Variants in SMARCD2 observed in about 807,000 individuals in gnomAD.
The protein encoded by SMARCD2 is SWI/SNF-related matrix-associated actin-dependent regulator of chromatin subfamily D member 2.
A neutral mutation model predicts 70.4 loss-of-function variants in SMARCD2; 39 were observed. The ratio of observed to expected loss-of-function variants is 0.55; its 90% CI spans 0.43 to 0.72. The LOEUF is 0.72. Among genes scored for constraint, SMARCD2 ranks in the 30% least tolerant of loss-of-function variants. SMARCD2 has a pLI of 0.00. For missense variants in SMARCD2, 540 were observed against 713.4 expected, an observed-to-expected ratio of 0.76 and a Z score of 2.77; for synonymous variants, 249 against 279.4, an observed-to-expected ratio of 0.89 and a Z score of 1.08.
chr17:63,842,438 G>T, intron 1 of SMARCD2, 21 bp downstream of exon 1: 1 of 1,344,278 alleles, frequency 7.4e-7, no homozygotes, highest in Non-Finnish European at 9.5e-7. Flanking sequence ...GCCCCCGTCC[G>T]CTCGCGTCCT....
chr17:63,833,711 T>G lies in SMARCD2; in HGVS notation c.1193A>C (p.Asn398Thr), dbSNP rs2040225643. ...VINHVISVDP[N>T]DQKKTACYDI... ...GTAACAGGCTGTCTTCTTCTGGTCGTTAGGGTCGACACTGCAGGCAGCACA... is the reference window on the plus strand; with the variant it reads ...GTAACAGGCTGTCTTCTTCTGGTCGGTAGGGTCGACACTGCAGGCAGCACA... The change falls in exon 10 of 13, where the codon AAC becomes ACC. Residue 398 changes from asparagine (N) to threonine (T), a missense_variant. Physicochemically the swap from Asn to Thr is moderately conservative, Grantham distance 65. Transcript: ENST00000448276. This position sits in a 1 kb window ranked among gnomAD's most constrained non-coding sequence, Gnocchi z 4.3. 1 of 1,613,996 alleles carries G rather than the reference T, an allele frequency of 6.2e-7. No homozygotes were observed. Among genetic ancestry groups the G allele is most frequent in the Non-Finnish European group, 8.5e-7 (1 of 1,179,896 alleles).
Position 63,834,086 on chromosome 17 carries a change from T to C in SMARCD2, c.1084-80A>G. On this transcript the variant is annotated intron_variant, in intron 8 of 12. Coordinates refer to ENST00000448276, the MANE Select transcript of SMARCD2 (RefSeq NM_001098426.2). The surrounding 1 kb of genome is among the most constrained non-coding windows in gnomAD (Gnocchi z 5.6). The stretch of plus-strand genomic sequence containing the variant: ...ATTCCAGGACCAGTGAGGGCAGCAG[T>C]CTGCAGGCTGTGGCCAAGGAGTAGC... The C allele has an allele frequency of 6.3e-7, 1 of 1,592,318 alleles. No homozygotes were observed. Among genetic ancestry groups the C allele is most frequent in the Admixed American group, 1.7e-5 (1 of 59,742 alleles).
Position 63,833,745 on chromosome 17 carries a change from G to C in SMARCD2, c.1182-23C>G. On this transcript the variant is annotated intron_variant, in intron 9 of 12. Transcript: ENST00000448276. This position sits in a 1 kb window ranked among gnomAD's most constrained non-coding sequence, Gnocchi z 4.3. Reference sequence around the variant, plus strand: ...ACACTGCAGGCAGCACATGGGGAGGGAAGGCACATAGCTGACTTCATCCTG... The same window carrying C: ...ACACTGCAGGCAGCACATGGGGAGGCAAGGCACATAGCTGACTTCATCCTG... The C allele has an allele frequency of 1.2e-6, 2 of 1,613,908 alleles. No homozygotes were observed. Among genetic ancestry groups the C allele is most frequent in the Non-Finnish European group, 1.7e-6 (2 of 1,179,818 alleles).
At chr17:63,836,251 C>T (rs940231128) in intron 4 of SMARCD2, among the ~76,000 whole-genome samples, 10 of 151,942 alleles carry the variant, frequency 6.6e-5, no homozygotes, top group African/African-American at 2.4e-4. Flanking sequence ...CGGCTGGGTG[C>T]AGTGGCTCAC....
rs536226182 is a variant in SMARCD2 at position 63,832,843 on chromosome 17, T to C, written c.*95A>G. ...GAGAGTAGAGGGTGACAGCAGACAC[T>C]CCTCACCCCAGCCTACGTGTCTGCG... On this transcript the variant is annotated 3_prime_UTR_variant, in exon 13 of 13. Transcript: ENST00000448276. 20 of 1,005,294 alleles carry C rather than the reference T, an allele frequency of 2.0e-5. No homozygotes were observed. Among genetic ancestry groups the C allele is most frequent in the South Asian group, 1.2e-4 (9 of 72,820 alleles). 62.3% of individuals were successfully genotyped at this position (1,005,294 alleles called of 1,614,324 possible).
intron 1 of SMARCD2, 63 bp downstream of exon 1, chr17:63,842,396 C>T: frequency 7.8e-7 from 1 of 1,285,026 alleles, no homozygotes; most frequent in Non-Finnish European, 9.9e-7. Context: ...GCCCCTTCAG[C>T]CGCCGGCCCG....
In SMARCD2 at chr17:63,834,471, C is replaced by T. The variant is rs1359531215; in HGVS notation, c.921+3G>A. The T allele has an allele frequency of 1.6e-5, 26 of 1,578,698 alleles. No individual in the cohort carries two copies. Among genetic ancestry groups the T allele is most frequent in the Non-Finnish European group, 2.2e-5 (26 of 1,157,444 alleles). ...CCAGAAATGACCCCAGGGTCTCTGT[C>T]ACCTGATGATCCAGCATGAGCAGGA... On this transcript the variant is annotated splice_donor_region_variant and intron_variant, in intron 7 of 12. Coordinates refer to ENST00000448276, the MANE Select transcript of SMARCD2 (RefSeq NM_001098426.2). The surrounding 1 kb of genome is among the most constrained non-coding windows in gnomAD (Gnocchi z 5.6).
rs745428689 is a variant in SMARCD2, at chr17:63,833,425, A to G, written c.1318-5T>C. On this transcript the variant is annotated splice_polypyrimidine_tract_variant and splice_region_variant and intron_variant, in intron 10 of 12. Transcript: ENST00000448276. This position sits in a 1 kb window ranked among gnomAD's most constrained non-coding sequence, Gnocchi z 4.3. ...GGACTCAATGGTCTCATGGATCTGG[A>G]GAGGGTACCTGTGTCAGACTGTGCC... is the stretch of plus-strand genomic sequence containing the variant. 1 of 1,613,900 alleles carries G rather than the reference A, an allele frequency of 6.2e-7. No homozygotes were observed. Among genetic ancestry groups the G allele is most frequent in the Non-Finnish European group, 8.5e-7 (1 of 1,179,872 alleles).
At position 63,833,466 on chromosome 17, in the gene SMARCD2, C is replaced by T; in HGVS notation, c.1318-46G>A. On this transcript the variant is annotated intron_variant, in intron 10 of 12. Transcript: ENST00000448276. The surrounding 1 kb of genome is among the most constrained non-coding windows in gnomAD (Gnocchi z 4.3). Reference sequence around the variant, plus strand: ...AGACTGTGCCCCCAAAGCTTACATGCAAGCAACTGAGCCAGAGTTCCCATC... The same window carrying T: ...AGACTGTGCCCCCAAAGCTTACATGTAAGCAACTGAGCCAGAGTTCCCATC... The T allele has an allele frequency of 1.9e-6, 3 of 1,611,060 alleles. No homozygotes were observed. Among genetic ancestry groups the T allele is most frequent in the Non-Finnish European group, 2.5e-6 (3 of 1,177,878 alleles).
At position 63,834,878 on chromosome 17, in the gene SMARCD2, G is replaced by T; in HGVS notation, c.724-78C>A. 1 of 1,051,328 alleles carries T rather than the reference G, an allele frequency of 9.5e-7. No homozygotes were observed. Among genetic ancestry groups the T allele is most frequent in the Non-Finnish European group, 1.5e-6 (1 of 677,826 alleles). The allele number at this position is 1,051,328 out of a possible 1,614,324, so 65.1% of individuals were successfully genotyped here. A position where few individuals can be genotyped will look rare whatever the true frequency, so the allele number is the denominator to read the frequency against. ...CTATGCTAAATCCCAAGAAAGAGAA[G>T]CCCCATTTCAGCCCTGGAGCTCCGG... On this transcript the variant is annotated intron_variant, in intron 5 of 12. Coordinates refer to ENST00000448276, the MANE Select transcript of SMARCD2 (RefSeq NM_001098426.2). This position sits in a 1 kb window ranked among gnomAD's most constrained non-coding sequence, Gnocchi z 5.6.
chr17:63,832,465 CAAAGG>C lies in SMARCD2; in HGVS notation c.*468_*472del, dbSNP rs1202736049. 4.8e-6 allele frequency: 1 copy of C among 209,380 alleles called. No individual in the cohort carries two copies. Among genetic ancestry groups the C allele is most frequent in the Non-Finnish European group, 9.7e-6 (1 of 103,568 alleles). The allele number at this position is 209,380 out of a possible 1,614,324, so 13.0% of individuals were successfully genotyped here. A position where few individuals can be genotyped will look rare whatever the true frequency, so the allele number is the denominator to read the frequency against. On this transcript the variant is annotated 3_prime_UTR_variant, in exon 13 of 13. Transcript: ENST00000448276. ...TTGCTCCCAAAATAGTGCAAATACC[CAAAGG>C]AAAGGAAAAAACCAGCAGCAAGGCT... is the stretch of plus-strand genomic sequence containing the variant.
chr17:63,835,581 G>A lies in SMARCD2; in HGVS notation c.568-14C>T. The A allele has an allele frequency of 6.2e-7, 1 of 1,613,224 alleles. No homozygotes were observed. Among genetic ancestry groups the A allele is most frequent in the Non-Finnish European group, 8.5e-7 (1 of 1,179,466 alleles). On this transcript the variant is annotated splice_polypyrimidine_tract_variant and intron_variant, in intron 4 of 12. Coordinates refer to ENST00000448276, the MANE Select transcript of SMARCD2 (RefSeq NM_001098426.2). The stretch of plus-strand genomic sequence containing the variant: ...CTTTCGCTTTTGCTAAAGAGAGAAA[G>A]GCAATCACAACTGGAGGTGGACCAA...
rs1190701192 is a variant in SMARCD2, at chr17:63,832,705, A to G, written c.*233T>C. ...AGCAGTCCTACTTGGGCCTGCCTGC[A>G]GGGGGGCAGAGGAGGCATCTGCTGA... On this transcript the variant is annotated 3_prime_UTR_variant, in exon 13 of 13. Coordinates refer to ENST00000448276, the MANE Select transcript of SMARCD2 (RefSeq NM_001098426.2). 3.5e-6 allele frequency: 2 copies of G among 579,114 alleles called. No homozygotes were observed. The highest frequency in any genetic ancestry group is 6.2e-6 in the Non-Finnish European group (2 of 323,228). The allele number at this position is 579,114 out of a possible 1,614,324, so 35.9% of individuals were successfully genotyped here.
chr17:63,835,512 T>C lies in SMARCD2; in HGVS notation c.623A>G (p.Glu208Gly), dbSNP rs1364966466. Residue 208 changes from glutamate (E) to glycine (G), a missense_variant, in exon 5 of 13, where the codon GAA (glutamate) becomes GGA (glycine). Coordinates refer to ENST00000448276, the MANE Select transcript of SMARCD2 (RefSeq NM_001098426.2). ...CCCTGCAGTTCCTGCACTATCGCCT[T>C]CCGCCTTGCTGGGACTGAACGTATT... ...ISNTFSPSKA[E>G]GDSAGTAGTP... is the part of the protein sequence containing the mutation. 1 of 1,614,034 alleles carries C rather than the reference T, an allele frequency of 6.2e-7. No homozygotes were observed. Among genetic ancestry groups the C allele is most frequent in the Admixed American group, 1.7e-5 (1 of 60,022 alleles).
At position 63,834,280 on chromosome 17, in the gene SMARCD2, G is replaced by A. The variant is rs2040236145; in HGVS notation, c.970C>T (p.His324Tyr). The change falls in exon 8 of 13, where the codon CAC (histidine) becomes TAC (tyrosine). Residue 324 changes from histidine (H) to tyrosine (Y), a missense_variant. By Grantham distance (83) the His-to-Tyr change is moderately conservative (BLOSUM62 2). Transcript: ENST00000448276. The surrounding 1 kb of genome is among the most constrained non-coding windows in gnomAD (Gnocchi z 5.6). ...DPRLARLLGVHTQTRAAIMQA... is the reference protein window; with the variant it reads ...DPRLARLLGVYTQTRAAIMQA... ...ATGATGGCGGCCCTCGTCTGCGTGTGCACTCCCAGCAGCCTTGCCAATCGG... is the reference window on the plus strand; with the variant it reads ...ATGATGGCGGCCCTCGTCTGCGTGTACACTCCCAGCAGCCTTGCCAATCGG... The A allele has an allele frequency of 6.2e-7, 1 of 1,611,976 alleles. No homozygotes were observed. Among genetic ancestry groups the A allele is most frequent in the Non-Finnish European group, 8.5e-7 (1 of 1,179,106 alleles).
In SMARCD2 at chr17:63,833,567, T is replaced by C. The variant is rs1400299399; in HGVS notation, c.1317+20A>G. ...CCCAATCCTGGGCCCCAGAGGAAGC[T>C]GTGGAGCCAGAGGGCCCACCTTGAC... On this transcript the variant is annotated intron_variant, in intron 10 of 12. Coordinates refer to ENST00000448276, the MANE Select transcript of SMARCD2 (RefSeq NM_001098426.2). This position sits in a 1 kb window ranked among gnomAD's most constrained non-coding sequence, Gnocchi z 4.3. 6 of 1,613,806 alleles carry C rather than the reference T, an allele frequency of 3.7e-6. No homozygotes were observed. The highest frequency in any genetic ancestry group is 1.6e-4 in the Middle Eastern group (1 of 6,080).
intron 5 of SMARCD2, chr17:63,835,076 G>A (rs2584621): frequency 0.35 from 188,048 of 534,896 alleles, 35,946 homozygotes; most frequent in South Asian, 0.56. Context: ...TTGGAGCAGC[G>A]CCCCCCTCCC....
intron 1 of SMARCD2, chr17:63,839,375 A>AATGT (rs1904351959): frequency 3.9e-6 from 1 of 256,138 alleles, no homozygotes; most frequent in Non-Finnish European, 6.1e-6. Flanking sequence ...TGCTCCGGTA[A>AATGT]CAGGAAGTCC....
chr17:63,835,642 T>C lies in SMARCD2; in HGVS notation c.568-75A>G, dbSNP rs768606077. 8 of 1,446,396 alleles carry C rather than the reference T, an allele frequency of 5.5e-6. No individual in the cohort carries two copies. In the Admixed American group the frequency reaches 7.0e-5, roughly 13 times the overall value. The allele number at this position is 1,446,396 out of a possible 1,614,324, so 89.6% of individuals were successfully genotyped here. On this transcript the variant is annotated intron_variant, in intron 4 of 12. Transcript: ENST00000448276. ...CACAGTGCTACCGCATCTTCTCATA[T>C]GAACCATTCAACAATCAGTACTGAG...
Sources: allele counts gnomAD v4.1 joint callset (sites outside exome capture counted in the v4.1 genomes callset), GRCh38; gene constraint gnomAD v4.1.1; non-coding constraint Gnocchi (gnomAD v3.1); transcripts MANE v1.5; gene names NCBI Gene and HGNC (gene_info 2026-07-23, HGNC 2026-07-21).